The following MET variants were observed in gnomAD, a reference collection of about 807,000 sequenced individuals.
MET encodes the protein MET proto-oncogene, receptor tyrosine kinase.
In MET, 48 loss-of-function variants were observed where a neutral mutation model predicts 133.1. That is an observed-to-expected ratio of 0.36 (90% CI 0.29 to 0.46). The LOEUF is 0.46. MET is among the 20% of genes least tolerant of loss of function. The pLI, the probability that MET is intolerant of heterozygous loss-of-function variation, is 1.00. For synonymous variants in MET, 628 were observed against 616.5 expected (o/e 1.02, Z -0.28); for missense variants, 1,442 against 1,695.9 (o/e 0.85, Z 2.63).
chr7:116,766,834 G>T lies in MET; in HGVS notation c.2584-2811G>T, dbSNP rs550476990. 3.3e-5 allele frequency among the ~76,000 whole-genome samples: 5 copies of T among 152,144 alleles called. No homozygotes were observed. In the East Asian group the frequency reaches 7.7e-4, roughly 23 times the overall value. On this transcript the variant is annotated intron_variant, in intron 11 of 20. Transcript: ENST00000397752. Reference sequence around the variant, plus strand: ...TGGTTTCATGGTACCTAGTAGTAAAGGTCCCCAACTAGCCAGCAAAGCCAC... The same window carrying T: ...TGGTTTCATGGTACCTAGTAGTAAATGTCCCCAACTAGCCAGCAAAGCCAC...
In MET at chr7:116,759,262, A is replaced by G. The variant is rs1794304425; in HGVS notation, c.2265-129A>G. ...TGTTTCCAAAGAACAGTTACCCATG[A>G]ACTTCCATTTGATGTTGACTGTGCC... On this transcript the variant is annotated intron_variant, in intron 9 of 20. Transcript: ENST00000397752. 4 of 1,382,778 alleles carry G rather than the reference A, an allele frequency of 2.9e-6. No individual in the cohort carries two copies. The African/African-American group carries it at 5.8e-5, about 20-fold the overall frequency. The allele number at this position is 1,382,778 out of a possible 1,614,324, so 85.7% of individuals were successfully genotyped here. A position where few individuals can be genotyped will look rare whatever the true frequency, so the allele number is the denominator to read the frequency against.
At chr7:116,676,410 G>A (rs1796161524) in intron 1 of MET, among the ~76,000 whole-genome samples, 1 of 152,188 alleles carries the variant, frequency 6.6e-6, no homozygotes, top group African/African-American at 2.4e-5. Flanking sequence ...ATTCATTCAG[G>A]ACAATTTTTT....
At chr7:116,744,487 A>G (rs971376334) in intron 5 of MET, among the ~76,000 whole-genome samples, 1 of 152,244 alleles carries the variant, frequency 6.6e-6, no homozygotes, top group Admixed American at 6.5e-5. Context: ...ACAAGATTAG[A>G]GAAAAAAGAA....
At chr7:116,679,379 T>C (rs1158929224) in intron 1 of MET, among the ~76,000 whole-genome samples, 2 of 152,256 alleles carry the variant, frequency 1.3e-5, no homozygotes, top group African/African-American at 4.8e-5. Flanking sequence ...TTATTGAAAT[T>C]CATTTTGCAC....
rs1795216784 is a variant in MET at position 116,783,543 on chromosome 7, C to T, written c.3798+74C>T. The T allele has an allele frequency of 2.6e-6, 4 of 1,526,380 alleles. No homozygotes were observed. In the Admixed American group the frequency reaches 5.5e-5, roughly 21 times the overall value. The allele number at this position is 1,526,380 out of a possible 1,614,324, so 94.6% of individuals were successfully genotyped here. A position where few individuals can be genotyped will look rare whatever the true frequency, so the allele number is the denominator to read the frequency against. On this transcript the variant is annotated intron_variant, in intron 19 of 20. Transcript: ENST00000397752. The stretch of plus-strand genomic sequence containing the variant: ...AACTTTTTTTGAAGTTTTATCACTA[C>T]TTAATTTTTTAAAAAAATTCAACAC...
At chr7:116,693,803 A>T (rs1203616054) in intron 1 of MET, among the ~76,000 whole-genome samples, 1 of 152,210 alleles carries the variant, frequency 6.6e-6, no homozygotes, top group African/African-American at 2.4e-5. Context: ...TTAGATGCTT[A>T]TAAGTGTTTG....
chr7:116,777,487 T>G lies in MET; in HGVS notation c.3340+18T>G. The G allele has an allele frequency of 6.2e-7, 1 of 1,610,826 alleles. No individual in the cohort carries two copies. On this transcript the variant is annotated intron_variant, in intron 16 of 20. Transcript: ENST00000397752. The stretch of plus-strand genomic sequence containing the variant: ...CTTGAACAGTAAGTGGCATTTTATT[T>G]AACCATGGAGTATACTTTTGTGGTT...
chr7:116,685,794 C>T (rs576461271), intron 1 of MET, among the ~76,000 whole-genome samples: 24 of 152,328 alleles, frequency 1.6e-4, no homozygotes, highest in Non-Finnish European at 3.4e-4. Context: ...CGGTAACTGG[C>T]AAAGCCATTC....
At chr7:116,774,777 A>T (rs1584957583) in intron 14 of MET, 104 bp from the exon 15 acceptor site, 1 of 853,482 alleles carries the variant, frequency 1.2e-6, no homozygotes, top group Non-Finnish European at 1.9e-6. Flanking sequence ...CCAATTTATT[A>T]TCATTTTTAT....
At position 116,699,157 on chromosome 7, in the gene MET, G is replaced by A; in HGVS notation, c.73G>A (p.Glu25Lys). The A allele has an allele frequency of 6.2e-7, 1 of 1,613,898 alleles. No individual in the cohort carries two copies. Among genetic ancestry groups the A allele is most frequent in the Non-Finnish European group, 8.5e-7 (1 of 1,179,898 alleles). ...LFTLVQRSNGECKEALAKSEM... is the reference protein window; with the variant it reads ...LFTLVQRSNGKCKEALAKSEM... ...TACCTTGGTGCAGAGGAGCAATGGGGAGTGTAAAGAGGCACTAGCAAAGTC... is the reference window on the plus strand; with the variant it reads ...TACCTTGGTGCAGAGGAGCAATGGGAAGTGTAAAGAGGCACTAGCAAAGTC... Residue 25 changes from glutamate (E) to lysine (K), a missense_variant, in exon 2 of 21, where the codon GAG (glutamate) becomes AAG (lysine). Transcript: ENST00000397752.
At chr7:116,743,326 G>A (rs1448668865) in intron 5 of MET, among the ~76,000 whole-genome samples, 1 of 152,226 alleles carries the variant, frequency 6.6e-6, no homozygotes, top group Non-Finnish European at 1.5e-5. Context: ...CAGACACCGA[G>A]CAGGAGTTTT....
At chr7:116,792,448 A>G (rs1167763643) in intron 19 of MET, among the ~76,000 whole-genome samples, 2 of 76,398 alleles carry the variant, frequency 2.6e-5, no homozygotes, top group Admixed American at 1.8e-4. Flanking sequence ...ACCCCCCCTC[A>G]ACCGACAGAC....
At chr7:116,733,148 A>G (rs572088455) in intron 3 of MET, among the ~76,000 whole-genome samples, 1 of 151,962 alleles carries the variant, frequency 6.6e-6, no homozygotes, top group East Asian at 1.9e-4. Context: ...AGAGACATGC[A>G]CTCTAATGGA....
chr7:116,707,122 A>G (rs1791827025), intron 2 of MET, among the ~76,000 whole-genome samples: 2 of 152,028 alleles, frequency 1.3e-5, no homozygotes, highest in African/African-American at 4.8e-5. Context: ...GAGCAGACAA[A>G]GTGTAGCTAC....
At chr7:116,683,035 A>G (rs1796419126) in intron 1 of MET, among the ~76,000 whole-genome samples, 1 of 150,860 alleles carries the variant, frequency 6.6e-6, no homozygotes, top group African/African-American at 2.4e-5. Context: ...CCACCTTACA[A>G]CTCTTCCCGT....
intron 3 of MET, among the ~76,000 whole-genome samples, chr7:116,738,333 G>T (rs1211429498): frequency 2.0e-5 from 3 of 152,114 alleles, no homozygotes; most frequent in Admixed American, 6.6e-5. Flanking sequence ...AAAATCTGGA[G>T]AATTTGTAAT....
At chr7:116,772,201 A>C (rs1049698292) in intron 14 of MET, among the ~76,000 whole-genome samples, 2 of 152,246 alleles carry the variant, frequency 1.3e-5, no homozygotes, top group African/African-American at 4.8e-5. Context: ...AGAGTCCATA[A>C]GCTCTCATTT....
Position 116,796,322 on chromosome 7 carries a change from C to T in MET, c.*198C>T. ...AGAACCAGAGGCTTGGTCCCACAGG[C>T]CACGGACCAATGGCCTGCAGCCGTG... On this transcript the variant is annotated 3_prime_UTR_variant, in exon 21 of 21. Coordinates refer to ENST00000397752, the MANE Select transcript of MET (RefSeq NM_000245.4). 1.6e-6 allele frequency: 1 copy of T among 618,950 alleles called. No homozygotes were observed. The highest frequency in any genetic ancestry group is 2.9e-6 in the Non-Finnish European group (1 of 349,416). 38.3% of individuals were successfully genotyped at this position (618,950 alleles called of 1,614,324 possible).
intron 1 of MET, among the ~76,000 whole-genome samples, chr7:116,686,758 T>C (rs1796574177): frequency 1.3e-5 from 2 of 152,226 alleles, no homozygotes; most frequent in African/African-American, 2.4e-5. Context: ...TTATACCTTT[T>C]TCCACTGTCA....
Sources: allele counts gnomAD v4.1 joint callset (sites outside exome capture counted in the v4.1 genomes callset), GRCh38; gene constraint gnomAD v4.1.1; transcripts MANE v1.5; gene names NCBI Gene and HGNC (gene_info 2026-07-23, HGNC 2026-07-21).